The following STK31 variants were observed in gnomAD, a reference collection of about 807,000 sequenced individuals.
STK31 encodes serine/threonine kinase 31, also known as serine/threonine-protein kinase 31.
STK31 carries 89 observed loss-of-function variants against 129.7 expected under a neutral mutation model. The observed-to-expected ratio is 0.69, with a 90% CI of 0.58 to 0.82. STK31 has a LOEUF of 0.82. STK31 is among the 40% of genes least tolerant of loss of function. STK31 has a pLI of 0.00. For missense variants in STK31, 1,187 were observed against 1,176.4 expected (o/e 1.01, Z -0.13); for synonymous variants, 448 against 395.3 (o/e 1.13, Z -1.58).
At chr7:23,733,967 A>C (rs767858548) in intron 6 of STK31, among the ~76,000 whole-genome samples, 3 of 152,224 alleles carry the variant, frequency 2.0e-5, no homozygotes, top group East Asian at 1.9e-4. Flanking sequence ...GAATTCCTAC[A>C]TCGGTCTCAA....
chr7:23,772,226 G>C lies in STK31; in HGVS notation c.1913G>C (p.Ser638Thr). Residue 638 changes from serine to threonine, a missense_variant, in exon 15 of 24, where the codon AGC becomes ACC. Ser to Thr is a moderately conservative substitution (Grantham distance 58). Around this residue, in one of 5 missense-constraint regions of STK31, gnomAD observed 975 missense variants for 934.9 expected, o/e 1.04. Transcript: ENST00000355870. ...HLLSIKKTLK[S>T]LKALLRWKLV... ...CTATCCATTAAGAAGACATTGAAAA[G>C]CTTAAAAGCTCTACTCAGATGGAAA... is the stretch of plus-strand genomic sequence containing the variant. 6.2e-7 allele frequency: 1 copy of C among 1,609,384 alleles called. No homozygotes were observed. Among genetic ancestry groups the C allele is most frequent in the South Asian group, 1.1e-5 (1 of 90,370 alleles).
At chr7:23,826,654 G>A (rs1392718380) in intron 23 of STK31, among the ~76,000 whole-genome samples, 1 of 152,074 alleles carries the variant, frequency 6.6e-6, no homozygotes, top group Non-Finnish European at 1.5e-5. Context: ...ATGTTAGCTG[G>A]TTATTTTGCT....
At chr7:23,791,007 G>A in intron 22 of STK31, 61 bp downstream of exon 22, 2 of 1,233,830 alleles carry the variant, frequency 1.6e-6, no homozygotes, top group Non-Finnish European at 2.1e-6. Flanking sequence ...ATAAAGTGAT[G>A]ATTTTATAGT....
chr7:23,724,691 T>C (rs1271479157), intron 4 of STK31, among the ~76,000 whole-genome samples: 1 of 152,240 alleles, frequency 6.6e-6, no homozygotes, highest in Non-Finnish European at 1.5e-5. Flanking sequence ...CTATTTTTGC[T>C]ACTTACCCCT....
chr7:23,710,202 C>T, upstream of STK31: 1 of 1,605,628 alleles, frequency 6.2e-7, no homozygotes, highest in Non-Finnish European at 8.5e-7. Flanking sequence ...TGCACGCAGG[C>T]GCAGTGTGGG....
intron 8 of STK31, among the ~76,000 whole-genome samples, chr7:23,746,257 T>C (rs1384742858): frequency 6.6e-6 from 1 of 152,182 alleles, no homozygotes; most frequent in Non-Finnish European, 1.5e-5. Context: ...TCAGAGCACA[T>C]GAGGATCAAA....
intron 5 of STK31, among the ~76,000 whole-genome samples, chr7:23,728,326 T>C (rs1034874027): frequency 6.6e-6 from 1 of 152,138 alleles, no homozygotes; most frequent in Non-Finnish European, 1.5e-5. Context: ...AAAATATGTA[T>C]GTTTCAGAAA....
rs1306293934 is a variant in STK31, at chr7:23,729,186, C to A, written c.420C>A (p.Ala140=). ...TGGAGCTGCAGTTTTCTAGTGTTGC[C>A]AAAAAGTATAAACTTTGGGGACTAC... ...IPLELQFSSV[A]KKYKLWGLHI... Residue 140 remains alanine, a synonymous_variant, in exon 6 of 24, where the codon GCC becomes GCA. Coordinates refer to ENST00000355870, the MANE Select transcript of STK31 (RefSeq NM_031414.5). 7 of 1,611,414 alleles carry A rather than the reference C, an allele frequency of 4.3e-6. No individual in the cohort carries two copies. In the African/African-American group the frequency reaches 8.0e-5, roughly 18 times the overall value.
chr7:23,812,363 G>T (rs1373946462), intron 22 of STK31, among the ~76,000 whole-genome samples: 1 of 138,016 alleles, frequency 7.2e-6, no homozygotes, highest in Non-Finnish European at 1.6e-5. Flanking sequence ...TTGCTTTCAA[G>T]ATTTTTTCTT....
intron 22 of STK31, among the ~76,000 whole-genome samples, chr7:23,804,872 G>GTC (rs1562618036): frequency 6.6e-6 from 1 of 151,610 alleles, no homozygotes; most frequent in South Asian, 2.1e-4. Context: ...TTTATTTACT[G>GTC]TCTCTCTTTT....
At chr7:23,782,898 C>T (rs1215876688) in intron 16 of STK31, among the ~76,000 whole-genome samples, 1 of 151,946 alleles carries the variant, frequency 6.6e-6, no homozygotes, top group East Asian at 1.9e-4. Context: ...GGACTTTGAC[C>T]TTGCAAGATT....
intron 4 of STK31, chr7:23,726,171 T>C (rs1437470673): frequency 6.6e-6 from 1 of 152,170 alleles, no homozygotes; most frequent in Admixed American, 6.6e-5. Context: ...ATCTAAATCA[T>C]AGACACCTTC....
chr7:23,800,472 T>G (rs149310463), intron 22 of STK31, among the ~76,000 whole-genome samples: 1,662 of 152,152 alleles, frequency 0.011, 28 homozygotes, highest in African/African-American at 0.038. Flanking sequence ...CTCAGCAAAC[T>G]AACACAGGAA....
chr7:23,802,826 A>G (rs1792463508), intron 22 of STK31, among the ~76,000 whole-genome samples: 1 of 152,148 alleles, frequency 6.6e-6, no homozygotes, highest in Non-Finnish European at 1.5e-5. Flanking sequence ...TTTTCCATGT[A>G]TATTTTACAA....
chr7:23,809,618 T>C (rs1053959602), intron 22 of STK31, among the ~76,000 whole-genome samples: 2 of 152,174 alleles, frequency 1.3e-5, no homozygotes, highest in Non-Finnish European at 2.9e-5. Flanking sequence ...TATGTCTTAT[T>C]AATAGTGTAT....
intron 6 of STK31, among the ~76,000 whole-genome samples, chr7:23,730,879 T>TATATATATATATATATA (rs1491380351): frequency 2.3e-4 from 9 of 39,310 alleles, no homozygotes; most frequent in Admixed American, 7.1e-4. Context: ...TATATATATA[T>TATATATATATATATATA]TTTTTTTTTT....
At chr7:23,805,604 C>A (rs188868982) in intron 22 of STK31, among the ~76,000 whole-genome samples, 470 of 152,150 alleles carry the variant, frequency 3.1e-3, no homozygotes, top group Non-Finnish European at 6.0e-3. Context: ...CTGCCTTAGC[C>A]CCCTGAGTAG....
At chr7:23,752,602 A>T in intron 8 of STK31, 115 bp from the exon 9 acceptor site, 1 of 726,552 alleles carries the variant, frequency 1.4e-6, no homozygotes, top group South Asian at 1.6e-5. Flanking sequence ...TGGCCTCCCA[A>T]AGTGTTGGAA....
chr7:23,741,796 C>T (rs905101041), intron 8 of STK31, among the ~76,000 whole-genome samples: 4 of 152,206 alleles, frequency 2.6e-5, no homozygotes, highest in Non-Finnish European at 5.9e-5. Flanking sequence ...GTAAGTCTCA[C>T]AGCAGCCTAT....
Sources: allele counts gnomAD v4.1 joint callset (sites outside exome capture counted in the v4.1 genomes callset), GRCh38; gene constraint gnomAD v4.1.1; regional missense constraint gnomAD v4.1.1; transcripts MANE v1.5; gene names NCBI Gene and HGNC (gene_info 2026-07-23, HGNC 2026-07-21).